Variants in CRTAC1 observed in about 807,000 individuals in gnomAD.
CRTAC1 encodes acidic secreted protein in cartilage.
A neutral mutation model predicts 67.8 loss-of-function variants in CRTAC1; 37 were observed. The ratio of observed to expected loss-of-function variants is 0.55; its 90% confidence interval spans 0.42 to 0.72. The LOEUF (loss-of-function observed/expected upper bound fraction) is 0.72. CRTAC1 is among the 30% of genes least tolerant of loss of function. The probability of loss-of-function intolerance (pLI) is 0.00; values close to 1 mark genes in which losing one functional copy is unlikely to be tolerated. For synonymous variants in CRTAC1, 348 were observed against 371.0 expected, an observed-to-expected ratio of 0.94 and a Z score of 0.71; for missense variants, 780 against 931.6, an observed-to-expected ratio of 0.84 and a Z score of 2.12.
chr10:97,935,107 G>A (rs887295355), intron 3 of CRTAC1, among the ~76,000 whole-genome samples: 7 of 152,152 alleles, frequency 4.6e-5, no homozygotes, highest in Non-Finnish European at 1.0e-4. Flanking sequence ...GAGGAAAGCC[G>A]TAGAGCATCT....
intron 1 of CRTAC1, among the ~76,000 whole-genome samples, chr10:98,012,763 G>C (rs1412843065): frequency 6.6e-6 from 1 of 152,178 alleles, no homozygotes; most frequent in African/African-American, 2.4e-5. Flanking sequence ...AGGCTGGGGA[G>C]TGACACAGGG....
intron 3 of CRTAC1, among the ~76,000 whole-genome samples, chr10:97,930,488 G>A (rs1196491162): frequency 1.3e-5 from 2 of 152,228 alleles, no homozygotes; most frequent in Non-Finnish European, 2.9e-5. Context: ...GCTGGGTTCA[G>A]GAAGCTCCTG....
chr10:97,880,709 A>G (rs548107012), intron 13 of CRTAC1, among the ~76,000 whole-genome samples: 16 of 152,160 alleles, frequency 1.1e-4, no homozygotes, highest in Non-Finnish European at 1.9e-4. Context: ...AGACTCACGA[A>G]TACAATAACC....
chr10:97,900,099 A>G (rs2050512115), intron 8 of CRTAC1, among the ~76,000 whole-genome samples: 1 of 152,220 alleles, frequency 6.6e-6, no homozygotes, highest in African/African-American at 2.4e-5. Context: ...CTGTACTTTA[A>G]GCACTCTGGG....
chr10:98,011,238 C>T lies in CRTAC1; in HGVS notation c.124G>A (p.Val42Ile), dbSNP rs750412469. Residue 42 changes from valine to isoleucine, a missense_variant, in exon 2 of 15, where the codon GTT becomes ATT. Physicochemically the swap from Val to Ile is conservative, Grantham distance 29. Transcript: ENST00000370597. ...EPMFTAVTNS[V>I]LPPDYDSNPT... ...TTACTGTCATAGTCAGGAGGCAGAA[C>T]TGAGTTGGTGACTGCAGTGAACATG... The T allele has an allele frequency of 8.1e-6, 13 of 1,614,112 alleles. No homozygotes were observed. Among genetic ancestry groups the T allele is most frequent in the East Asian group, 2.2e-5 (1 of 44,900 alleles).
chr10:97,879,481 A>G, intron 14 of CRTAC1: 1 of 546,100 alleles, frequency 1.8e-6, no homozygotes, highest in Non-Finnish European at 3.0e-6. Flanking sequence ...AAAACATGCA[A>G]AGAAAGTCTT....
intron 1 of CRTAC1, among the ~76,000 whole-genome samples, chr10:98,024,838 G>T (rs2136709244): frequency 6.7e-6 from 1 of 148,460 alleles, no homozygotes; most frequent in South Asian, 2.2e-4. Flanking sequence ...GAGAGGCATG[G>T]GGGTGGGAGA....
chr10:97,937,497 T>C (rs1418334125), intron 2 of CRTAC1, among the ~76,000 whole-genome samples: 1 of 152,254 alleles, frequency 6.6e-6, no homozygotes, highest in African/African-American at 2.4e-5. Flanking sequence ...CCCACTAGAA[T>C]GTCTGCCTCA....
intron 5 of CRTAC1, among the ~76,000 whole-genome samples, chr10:97,912,291 T>G (rs777097539): frequency 3.3e-5 from 5 of 152,192 alleles, no homozygotes; most frequent in Admixed American, 1.3e-4. Context: ...CTCCTTGTTC[T>G]GCTGTTGGGG....
chr10:97,959,937 A>G (rs1023731712), intron 2 of CRTAC1, among the ~76,000 whole-genome samples: 1 of 152,252 alleles, frequency 6.6e-6, no homozygotes, highest in African/African-American at 2.4e-5. Context: ...GTCTACCAGG[A>G]AGGCTCATTA....
chr10:98,013,680 A>AT (rs200920995), intron 1 of CRTAC1, among the ~76,000 whole-genome samples: 58 of 152,182 alleles, frequency 3.8e-4, no homozygotes, highest in Admixed American at 1.2e-3. Context: ...GAATTAAAAG[A>AT]TTTTGTTTTT....
At chr10:97,969,027 G>A (rs1039909349) in intron 2 of CRTAC1, among the ~76,000 whole-genome samples, 1 of 152,184 alleles carries the variant, frequency 6.6e-6, no homozygotes, top group Non-Finnish European at 1.5e-5. Context: ...GCCCAGGACA[G>A]TCTCAGTTGG....
chr10:98,027,734 A>G (rs949697320), intron 1 of CRTAC1, among the ~76,000 whole-genome samples: 1 of 152,252 alleles, frequency 6.6e-6, no homozygotes, highest in African/African-American at 2.4e-5. Flanking sequence ...AACAGATTCA[A>G]AATAGAATCT....
At chr10:97,885,327 C>T (rs554321772) in intron 11 of CRTAC1, among the ~76,000 whole-genome samples, 18 of 152,140 alleles carry the variant, frequency 1.2e-4, no homozygotes, top group African/African-American at 2.4e-4. Context: ...TAGTGAGACC[C>T]TGTTTCTGAA....
chr10:97,938,999 T>C (rs579794), intron 2 of CRTAC1, among the ~76,000 whole-genome samples: 70,235 of 152,094 alleles, frequency 0.46, 17,062 homozygotes, highest in African/African-American at 0.62. Flanking sequence ...TCTGTGGGTC[T>C]GTGAGTCTCA....
intron 2 of CRTAC1, among the ~76,000 whole-genome samples, chr10:97,983,336 T>C (rs530439106): frequency 6.7e-6 from 1 of 148,582 alleles, no homozygotes; most frequent in African/African-American, 2.6e-5. Context: ...AAATAATCTG[T>C]CCAAGGTCAG....
intron 14 of CRTAC1, among the ~76,000 whole-genome samples, chr10:97,874,530 G>T (rs1211483026): frequency 6.6e-6 from 1 of 152,134 alleles, no homozygotes; most frequent in Non-Finnish European, 1.5e-5. Flanking sequence ...GCCCCGTCCT[G>T]CCCATCTCTC....
chr10:98,027,124 G>A (rs7070773), intron 1 of CRTAC1, among the ~76,000 whole-genome samples: 1 of 150,012 alleles, frequency 6.7e-6, no homozygotes, highest in Non-Finnish European at 1.5e-5. Context: ...CCGAGATTGC[G>A]CCACTGCACT....
At chr10:98,022,947 T>C (rs886681265) in intron 1 of CRTAC1, among the ~76,000 whole-genome samples, 4 of 152,102 alleles carry the variant, frequency 2.6e-5, no homozygotes, top group African/African-American at 9.7e-5. Context: ...AGTTTACGTG[T>C]CAAGTTTTTT....
Sources: allele counts gnomAD v4.1 joint callset (sites outside exome capture counted in the v4.1 genomes callset), GRCh38; gene constraint gnomAD v4.1.1; transcripts MANE v1.5; gene names NCBI Gene and HGNC (gene_info 2026-07-23, HGNC 2026-07-21).